Variants in RNF19A observed in about 807,000 individuals in gnomAD.
RNF19A encodes ring finger protein 19A, RBR E3 ubiquitin protein ligase.
Under a neutral mutation model 75.7 loss-of-function variants are expected in RNF19A, and 32 were observed. That is an observed-to-expected ratio of 0.42 (90% CI 0.32 to 0.57). RNF19A has a LOEUF of 0.57. Among genes scored for constraint, RNF19A ranks in the 20% least tolerant of loss-of-function variants. RNF19A has a pLI of 0.10. For missense variants in RNF19A, 782 were observed against 1,036.3 expected, an observed-to-expected ratio of 0.75 and a Z score of 3.37; for synonymous variants, 335 against 345.2, an observed-to-expected ratio of 0.97 and a Z score of 0.33.
upstream of RNF19A, chr8:100,310,011 G>T: frequency 1.0e-6 from 1 of 985,050 alleles, no homozygotes; most frequent in Non-Finnish European, 1.2e-6. Flanking sequence ...AGACGACGGA[G>T]GGGAGGAGTC....
Position 100,287,489 on chromosome 8 carries a change from T to C in RNF19A, c.674+12A>G. On this transcript the variant is annotated intron_variant, in intron 2 of 9. Coordinates refer to ENST00000341084, the MANE Select transcript of RNF19A (RefSeq NM_183419.4). This position sits in a 1 kb window ranked among gnomAD's most constrained non-coding sequence, Gnocchi z 4.1. ...AAATTAACTCAAGAAAAATCAAACA[T>C]TATCTTCTTACCCACAGTCTGGAGC... The C allele has an allele frequency of 6.4e-7, 1 of 1,556,590 alleles. No homozygotes were observed. Among genetic ancestry groups the C allele is most frequent in the Non-Finnish European group, 8.7e-7 (1 of 1,152,722 alleles).
At chr8:100,315,234 G>T (rs1190386402) in intron 1 of RNF19A, among the ~76,000 whole-genome samples, 1 of 152,126 alleles carries the variant, frequency 6.6e-6, no homozygotes, top group Non-Finnish European at 1.5e-5. Flanking sequence ...GGTGCAGTGA[G>T]CCAAGATCAC....
Position 100,261,735 on chromosome 8 carries a change from C to A in RNF19A, c.1489G>T (p.Ala497Ser). The A allele has an allele frequency of 6.2e-7, 1 of 1,614,118 alleles. No individual in the cohort carries two copies. The highest frequency in any genetic ancestry group is 1.7e-5 in the Admixed American group (1 of 60,022). Reference sequence around the variant, plus strand: ...TCCCCTATGCTTGGGTTGTGTCTTGCTTCTGCTACTGATGTTGTGTCTAAA... The same window carrying A: ...TCCCCTATGCTTGGGTTGTGTCTTGATTCTGCTACTGATGTTGTGTCTAAA... ...TAVDTTSVAE[A>S]RHNPSIGEGS... is the part of the protein sequence containing the mutation. The change falls in exon 8 of 10, where the codon GCA (alanine) becomes TCA (serine). Residue 497 changes from alanine (A) to serine (S), a missense_variant. By Grantham distance (99) the Ala-to-Ser change is moderately conservative. This residue lies in a region of RNF19A where 442 missense variants were observed against 541.6 expected (regional missense o/e 0.82). Coordinates refer to ENST00000341084, the MANE Select transcript of RNF19A (RefSeq NM_183419.4). The surrounding 1 kb of genome is among the most constrained non-coding windows in gnomAD (Gnocchi z 4.4).
At chr8:100,268,695 A>C in intron 5 of RNF19A, 90 bp downstream of exon 5, 2 of 803,002 alleles carry the variant, frequency 2.5e-6, no homozygotes, top group South Asian at 3.9e-5. Flanking sequence ...AAAAAAAAAA[A>C]AAAAAAAAAC....
At chr8:100,286,548 T>C (rs973256779) in intron 2 of RNF19A, among the ~76,000 whole-genome samples, 1 of 152,190 alleles carries the variant, frequency 6.6e-6, no homozygotes, top group Non-Finnish European at 1.5e-5. Context: ...ACTTTTCTCA[T>C]TTAAAATTAT....
At position 100,325,674 on chromosome 8, in the gene RNF19A, C is replaced by T. The variant is rs149330825; in HGVS notation, c.-243+10434G>A. On this transcript the variant is annotated intron_variant, in intron 1 of 3. Transcript: ENST00000519527. The surrounding 1 kb of genome is among the most constrained non-coding windows in gnomAD (Gnocchi z 4.3). ...GAAGATTGAACACAACTTAACAGAC[C>T]GATTATCTAGTCATTGTTATCAACC... Among the ~76,000 whole-genome samples the T allele has an allele frequency of 2.0e-5, 3 of 152,038 alleles. No homozygotes were observed. Among genetic ancestry groups the T allele is most frequent in the Middle Eastern group, 3.4e-3 (1 of 294 alleles).
At chr8:100,310,230 C>T (rs56356271), upstream of RNF19A, 183,586 of 985,146 alleles carry the variant, frequency 0.19, 17,396 homozygotes, top group Middle Eastern at 0.23. Context: ...GGGCCCGCTG[C>T]GGGCGGCTCT....
At position 100,288,179 on chromosome 8, in the gene RNF19A, A is replaced by C. The variant is rs773077180; in HGVS notation, c.-5T>G. 1 of 1,592,960 alleles carries C rather than the reference A, an allele frequency of 6.3e-7. No individual in the cohort carries two copies. Among genetic ancestry groups the C allele is most frequent in the Non-Finnish European group, 8.6e-7 (1 of 1,169,508 alleles). On this transcript the variant is annotated 5_prime_UTR_variant, in exon 2 of 10. It removes an upstream start codon present in the reference 5' UTR. Coordinates refer to ENST00000341084, the MANE Select transcript of RNF19A (RefSeq NM_183419.4). ...ACCTATTTCTTGTTCTTGCATTCACATTAAGTCATGATGTAAGAATATCCT... is the reference window on the plus strand; with the variant it reads ...ACCTATTTCTTGTTCTTGCATTCACCTTAAGTCATGATGTAAGAATATCCT...
intron 2 of RNF19A, among the ~76,000 whole-genome samples, chr8:100,278,764 G>A (rs898301711): frequency 5.3e-5 from 8 of 151,874 alleles, no homozygotes; most frequent in African/African-American, 1.9e-4. Flanking sequence ...TTTAATTAAT[G>A]ATTTAAGTAA....
chr8:100,309,567 G>C (rs1822213315), intron 1 of RNF19A: 1 of 979,908 alleles, frequency 1.0e-6, no homozygotes, highest in Non-Finnish European at 1.2e-6. Context: ...GGCACCAGGA[G>C]GACAGGGCTT....
chr8:100,298,143 G>A (rs1821657461), intron 1 of RNF19A, among the ~76,000 whole-genome samples: 1 of 150,640 alleles, frequency 6.6e-6, no homozygotes, highest in Non-Finnish European at 1.5e-5. Flanking sequence ...TTACCTGTAA[G>A]TATACTCATC....
chr8:100,263,751 T>C (rs143534381), intron 7 of RNF19A, among the ~76,000 whole-genome samples: 2 of 152,294 alleles, frequency 1.3e-5, no homozygotes, highest in East Asian at 3.9e-4. Flanking sequence ...CTTCATATCC[T>C]TTACTTAGTT....
At chr8:100,274,921 ATAT>A in intron 3 of RNF19A, 29 bp downstream of exon 3, 1 of 1,537,108 alleles carries the variant, frequency 6.5e-7, no homozygotes, top group Non-Finnish European at 8.9e-7. Flanking sequence ...TTTGTGTCAA[ATAT>A]TTTATTAGAA....
rs1008278443 is a variant in RNF19A, at chr8:100,260,556, C to T, written c.1683-559G>A. Among the ~76,000 whole-genome samples the T allele has an allele frequency of 6.6e-6, 1 of 152,136 alleles. No individual in the cohort carries two copies. Among genetic ancestry groups the T allele is most frequent in the African/African-American group, 2.4e-5 (1 of 41,418 alleles). On this transcript the variant is annotated intron_variant, in intron 8 of 9. Transcript: ENST00000341084. The surrounding 1 kb of genome is among the most constrained non-coding windows in gnomAD (Gnocchi z 4.1). Reference sequence around the variant, plus strand: ...AAGTGCTGGGATTATAGGTATGAGCCACTGAGCCCAACCAACATTTGCCTT... The same window carrying T: ...AAGTGCTGGGATTATAGGTATGAGCTACTGAGCCCAACCAACATTTGCCTT...
rs1822395353 is a variant in RNF19A, at chr8:100,317,134, G to GCAGCCCAGCCCGGGTTCCCGCACA, written c.-242-3763_-242-3762insTGTGCGGGAACCCGGGCTGGGCTG. Reference sequence around the variant, plus strand: ...TCCAGCTGGCCCGCAAGCGCCGCACGCAGCCCAGCCCGGGTTCCCGCTCGC... The same window carrying GCAGCCCAGCCCGGGTTCCCGCACA: ...TCCAGCTGGCCCGCAAGCGCCGCACGCAGCCCAGCCCGGGTTCCCGCACACAGCCCAGCCCGGGTTCCCGCTCGC... On this transcript the variant is annotated intron_variant, in intron 1 of 3. Coordinates refer to the RNF19A transcript ENST00000519527. The surrounding 1 kb of genome is among the most constrained non-coding windows in gnomAD (Gnocchi z 4.3). Among the ~76,000 whole-genome samples the GCAGCCCAGCCCGGGTTCCCGCACA allele has an allele frequency of 1.3e-5, 2 of 152,232 alleles. No homozygotes were observed. The highest frequency in any genetic ancestry group is 4.1e-4 in the South Asian group (2 of 4,832).
At chr8:100,328,933 G>C (rs756166044) in intron 1 of RNF19A, among the ~76,000 whole-genome samples, 1 of 152,160 alleles carries the variant, frequency 6.6e-6, no homozygotes, top group Non-Finnish European at 1.5e-5. Context: ...AGAGCACGAA[G>C]GGCTTCAGTT....
At chr8:100,283,192 G>T (rs999118804) in intron 2 of RNF19A, among the ~76,000 whole-genome samples, 2 of 152,260 alleles carry the variant, frequency 1.3e-5, no homozygotes, top group Admixed American at 1.3e-4. Context: ...GGGATGACAG[G>T]GATAATGTGC....
At chr8:100,286,771 T>C (rs1187421369) in intron 2 of RNF19A, among the ~76,000 whole-genome samples, 1 of 152,208 alleles carries the variant, frequency 6.6e-6, no homozygotes, top group Admixed American at 6.5e-5. Context: ...ATGCTACGTA[T>C]CACATTAATT....
rs917778484 is a variant in RNF19A, at chr8:100,261,130, T to C, written c.1682+412A>G. Among the ~76,000 whole-genome samples the C allele has an allele frequency of 6.6e-6, 1 of 152,214 alleles. No individual in the cohort carries two copies. Among genetic ancestry groups the C allele is most frequent in the Admixed American group, 6.5e-5 (1 of 15,286 alleles). On this transcript the variant is annotated intron_variant, in intron 8 of 9. Coordinates refer to ENST00000341084, the MANE Select transcript of RNF19A (RefSeq NM_183419.4). This position sits in a 1 kb window ranked among gnomAD's most constrained non-coding sequence, Gnocchi z 4.4. ...TTTTTTTTTTGAGACAGGGTCTCACTGTCACTCAGGTTGGAGCTCAGTGGT... is the reference window on the plus strand; with the variant it reads ...TTTTTTTTTTGAGACAGGGTCTCACCGTCACTCAGGTTGGAGCTCAGTGGT...
Sources: gnomAD v4.1 joint callset for allele counts (sites outside exome capture counted in the v4.1 genomes callset) on GRCh38, gnomAD v4.1.1 for gene constraint, gnomAD v4.1.1 regional missense constraint, Gnocchi (gnomAD v3.1) non-coding constraint, MANE v1.5 for transcripts, NCBI Gene and HGNC (gene_info 2026-07-23, HGNC 2026-07-21) for gene names.